The following IGF1R variants were observed in gnomAD, a reference collection of about 807,000 sequenced individuals.
IGF1R encodes insulin-like growth factor 1 receptor.
IGF1R carries 44 observed loss-of-function variants against 144.6 expected under a neutral mutation model. The observed-to-expected ratio is 0.30, with a 90% CI of 0.24 to 0.39. IGF1R has a LOEUF of 0.39. Ranked by LOEUF, IGF1R falls within the 10% of genes least tolerant of loss-of-function variation. The pLI, the probability that IGF1R is intolerant of heterozygous loss-of-function variation, is 1.00. For missense variants in IGF1R, 1,355 were observed against 1,833.7 expected, an observed-to-expected ratio of 0.74 and a Z score of 4.77; for synonymous variants, 795 against 722.8, an observed-to-expected ratio of 1.10 and a Z score of -1.60.
intron 2 of IGF1R, among the ~76,000 whole-genome samples, chr15:98,717,372 C>T (rs988373071): frequency 4.0e-5 from 6 of 151,878 alleles, no homozygotes; most frequent in Non-Finnish European, 8.8e-5. Context: ...GAGTTGCATT[C>T]TAAGACCATC....
In IGF1R at chr15:98,667,224, T is replaced by C. The variant is rs891406566; in HGVS notation, c.94+17549T>C. ...AATGAAATTTATTGCTAATCAGCCATGTGACGTGTAATTGCTTTTTCATTT... is the reference window on the plus strand; with the variant it reads ...AATGAAATTTATTGCTAATCAGCCACGTGACGTGTAATTGCTTTTTCATTT... On this transcript the variant is annotated intron_variant, in intron 1 of 20. Transcript: ENST00000650285. Among the ~76,000 whole-genome samples the C allele has an allele frequency of 9.2e-5, 14 of 152,210 alleles. 1 individual carries two copies. Among genetic ancestry groups the C allele is most frequent in the Admixed American group, 9.2e-4 (14 of 15,284 alleles).
Position 98,681,786 on chromosome 15 carries a change from G to A in IGF1R, c.95-25776G>A, listed in dbSNP as rs560955827. On this transcript the variant is annotated intron_variant, in intron 1 of 20. Transcript: ENST00000650285. ...AAAATCTGTTAATATCTCTGCTTTA[G>A]ACCTGCATCAGGCTAATACTTGAAT... is the stretch of plus-strand genomic sequence containing the variant. Among the ~76,000 whole-genome samples the A allele has an allele frequency of 7.2e-5, 11 of 152,290 alleles. No individual in the cohort carries two copies. The South Asian group carries it at 2.3e-3, about 32-fold the overall frequency.
chr15:98,958,723 TTTG>T lies in IGF1R; in HGVS notation c.*1284_*1286del. Reference sequence around the variant, plus strand: ...CAGAAAAAAAAAAGCTGCTATTTTTTTTGTTCTTGATCTTTGTGGATTTAATCT... The same window carrying T: ...CAGAAAAAAAAAAGCTGCTATTTTTTTTCTTGATCTTTGTGGATTTAATCT... On this transcript the variant is annotated 3_prime_UTR_variant, in exon 21 of 21. Transcript: ENST00000650285. The T allele has an allele frequency of 4.3e-6, 1 of 232,594 alleles. No homozygotes were observed. Among genetic ancestry groups the T allele is most frequent in the Non-Finnish European group, 8.5e-6 (1 of 117,372 alleles). The allele number at this position is 232,594 out of a possible 1,614,324, so 14.4% of individuals were successfully genotyped here. A position where few individuals can be genotyped will look rare whatever the true frequency, so the allele number is the denominator to read the frequency against.
chr15:98,706,021 G>A (rs910448619), intron 1 of IGF1R, among the ~76,000 whole-genome samples: 3 of 152,186 alleles, frequency 2.0e-5, no homozygotes, highest in Non-Finnish European at 4.4e-5. Flanking sequence ...TTTGGGAGCC[G>A]GCCTGTGTGC....
At chr15:98,884,536 T>C (rs1005636119) in intron 2 of IGF1R, among the ~76,000 whole-genome samples, 2 of 151,584 alleles carry the variant, frequency 1.3e-5, no homozygotes, top group African/African-American at 4.8e-5. Context: ...CTGCTAAAAA[T>C]ACAAAAAATT....
chr15:98,801,652 G>T (rs907806), intron 2 of IGF1R, among the ~76,000 whole-genome samples: 2 of 152,170 alleles, frequency 1.3e-5, no homozygotes, highest in Non-Finnish European at 2.9e-5. Flanking sequence ...CCTTGAGCAC[G>T]GTTTTGGGAA....
Position 98,962,538 on chromosome 15 carries a change from G to GC in IGF1R, c.*5096_*5097insC, listed in dbSNP as rs2017267193. 1 of 233,600 alleles carries GC rather than the reference G, an allele frequency of 4.3e-6. No homozygotes were observed. The highest frequency in any genetic ancestry group is 8.5e-6 in the Non-Finnish European group (1 of 118,078). 14.5% of individuals were successfully genotyped at this position (233,600 alleles called of 1,614,324 possible). On this transcript the variant is annotated 3_prime_UTR_variant, in exon 21 of 21. Transcript: ENST00000650285. ...AGAGATGCTGAAGATACAGACCTTG[G>GC]ACAGGTCAGAGGGTTTCATTTTTGG...
chr15:98,920,710 C>A (rs550557212), intron 10 of IGF1R, among the ~76,000 whole-genome samples: 1 of 152,168 alleles, frequency 6.6e-6, no homozygotes, highest in African/African-American at 2.4e-5. Flanking sequence ...CAAATGTACA[C>A]GCCCTGACCT....
At chr15:98,683,353 G>A (rs1260642908) in intron 1 of IGF1R, among the ~76,000 whole-genome samples, 2 of 152,142 alleles carry the variant, frequency 1.3e-5, no homozygotes, top group South Asian at 2.1e-4. Flanking sequence ...AGTCTTTCAC[G>A]ATCTGATGTT....
intron 2 of IGF1R, among the ~76,000 whole-genome samples, chr15:98,871,974 C>G (rs1253482996): frequency 6.6e-6 from 1 of 152,192 alleles, no homozygotes; most frequent in Non-Finnish European, 1.5e-5. Context: ...TTTTCCCTGT[C>G]TAAAAGGAAC....
chr15:98,755,857 C>A (rs981053231), intron 2 of IGF1R, among the ~76,000 whole-genome samples: 1 of 148,618 alleles, frequency 6.7e-6, no homozygotes, highest in South Asian at 2.2e-4. Context: ...TGTGTATACT[C>A]ATTCATGTTT....
chr15:98,957,592 T>C lies in IGF1R; in HGVS notation c.*150T>C, dbSNP rs1017309387. The C allele has an allele frequency of 3.2e-6, 3 of 924,412 alleles. No homozygotes were observed. Among genetic ancestry groups the C allele is most frequent in the Admixed American group, 4.3e-5 (2 of 46,586 alleles). 57.3% of individuals were successfully genotyped at this position (924,412 alleles called of 1,614,324 possible). ...CTTGCTGCCCGCGGGAGACAGCTTC[T>C]CTGCAGTAAAACACATTTGGGATGT... On this transcript the variant is annotated 3_prime_UTR_variant, in exon 21 of 21. Coordinates refer to ENST00000650285, the MANE Select transcript of IGF1R (RefSeq NM_000875.5).
intron 2 of IGF1R, among the ~76,000 whole-genome samples, chr15:98,798,617 T>C (rs2056297932): frequency 6.6e-6 from 1 of 151,752 alleles, no homozygotes; most frequent in African/African-American, 2.4e-5. Context: ...GTAGTCAGAG[T>C]CTGGAAGCAC....
At chr15:98,762,992 G>C (rs1365812680) in intron 2 of IGF1R, among the ~76,000 whole-genome samples, 2 of 150,502 alleles carry the variant, frequency 1.3e-5, no homozygotes, top group Non-Finnish European at 2.9e-5. Context: ...GTTGCAGTGA[G>C]CTGAGGTCGC....
chr15:98,812,843 C>T (rs997083391), intron 2 of IGF1R, among the ~76,000 whole-genome samples: 1 of 152,216 alleles, frequency 6.6e-6, no homozygotes, highest in Non-Finnish European at 1.5e-5. Context: ...CATTAGATAA[C>T]TCCAAGTTGG....
Position 98,891,040 on chromosome 15 carries a change from G to C in IGF1R, c.641-285G>C, listed in dbSNP as rs533092245. ...ATTATCCCCCTCATTTTACAGATGG[G>C]AAGAGAGAGGATCAAGATCACAGAA... On this transcript the variant is annotated intron_variant, in intron 2 of 20. Transcript: ENST00000650285. This position sits in a 1 kb window ranked among gnomAD's most constrained non-coding sequence, Gnocchi z 4.7. Among the ~76,000 whole-genome samples the C allele has an allele frequency of 1.3e-5, 2 of 152,298 alleles. No individual in the cohort carries two copies. The highest frequency in any genetic ancestry group is 2.1e-4 in the South Asian group (1 of 4,830).
intron 18 of IGF1R, among the ~76,000 whole-genome samples, chr15:98,939,780 G>T (rs541822488): frequency 6.6e-6 from 1 of 152,188 alleles, no homozygotes; most frequent in Non-Finnish European, 1.5e-5. Flanking sequence ...GACCCACATT[G>T]GTTTCTAAGA....
chr15:98,678,325 C>T (rs2053099325), intron 1 of IGF1R, among the ~76,000 whole-genome samples: 1 of 152,084 alleles, frequency 6.6e-6, no homozygotes, highest in East Asian at 1.9e-4. Flanking sequence ...TTACAGTTCT[C>T]TTTAGATGAG....
At chr15:98,822,653 A>G (rs780946504) in intron 2 of IGF1R, among the ~76,000 whole-genome samples, 3 of 152,210 alleles carry the variant, frequency 2.0e-5, no homozygotes, top group Non-Finnish European at 2.9e-5. Context: ...TTTGAGCTGA[A>G]CACACAAAAT....
Sources: allele counts gnomAD v4.1 joint callset (sites outside exome capture counted in the v4.1 genomes callset), GRCh38; gene constraint gnomAD v4.1.1; non-coding constraint Gnocchi (gnomAD v3.1); transcripts MANE v1.5; gene names NCBI Gene and HGNC (gene_info 2026-07-23, HGNC 2026-07-21).